Variants in CYB561A3 observed in about 807,000 individuals in gnomAD.
The protein encoded by CYB561A3 is cytochrome b561 family member A3, also known as lysosomal membrane ascorbate-dependent ferrireductase CYB561A3.
In CYB561A3, 16 loss-of-function variants were observed where a neutral mutation model predicts 25.3. The ratio of observed to expected loss-of-function variants is 0.63; its 90% CI spans 0.43 to 0.96. The LOEUF (loss-of-function observed/expected upper bound fraction) is 0.96. CYB561A3 is among the 40% of genes least tolerant of loss of function. The pLI is 0.00. For synonymous variants in CYB561A3, 131 were observed against 129.9 expected, an observed-to-expected ratio of 1.01 and a Z score of -0.06; for missense variants, 219 against 307.5, an observed-to-expected ratio of 0.71 and a Z score of 2.15.
At chr11:61,355,827 A>T (rs1052798915) in intron 3 of CYB561A3, among the ~76,000 whole-genome samples, 1 of 151,964 alleles carries the variant, frequency 6.6e-6, no homozygotes, top group Non-Finnish European at 1.5e-5. Context: ...TGATGGCTCA[A>T]GCCTGTAATC....
chr11:61,361,901 T>C (rs1490796808), upstream of CYB561A3: 3 of 152,292 alleles, frequency 2.0e-5, no homozygotes, highest in South Asian at 4.1e-4. Context: ...GGGTGCCGCC[T>C]CGCCTTCTTA....
At chr11:61,361,685 G>C (rs541828737) in intron 1 of CYB561A3, 48 bp downstream of exon 1, 1 of 152,474 alleles carries the variant, frequency 6.6e-6, no homozygotes, top group Non-Finnish European at 1.5e-5. Context: ...AGCGGAACCA[G>C]CATTCGAACC....
chr11:61,350,551 C>G, intron 6 of CYB561A3, 129 bp from the exon 7 acceptor site: 1 of 1,167,484 alleles, frequency 8.6e-7, no homozygotes, highest in Non-Finnish European at 1.2e-6. Flanking sequence ...CTCAGGGAAG[C>G]CCCAAAGTCC....
chr11:61,356,749 A>C (rs1215665090), intron 2 of CYB561A3, 21 bp from the exon 3 acceptor site: 1 of 1,610,104 alleles, frequency 6.2e-7, no homozygotes, highest in East Asian at 2.2e-5. Flanking sequence ...GAGAAGTCAC[A>C]AATCTCCACT....
intron 6 of CYB561A3, 186 bp downstream of exon 6, chr11:61,350,805 T>C (rs1370516022): frequency 3.8e-6 from 3 of 787,134 alleles, no homozygotes; most frequent in Non-Finnish European, 5.8e-6. Flanking sequence ...AGTCCCAGCA[T>C]TTCACTGGGA....
In CYB561A3 at chr11:61,351,137, T is replaced by C; in HGVS notation, c.559A>G (p.Thr187Ala). ...CTGGGCAGGCTGTGGTATGGCCTGG[T>C]GGTGTTTTTCCTGAAGATGACAAAA... ...EKLFFSLKNT[T>A]RPYHSLPSEA... Residue 187 changes from threonine (T) to alanine (A), a missense_variant, in exon 6 of 7, where the codon ACC becomes GCC. By Grantham distance (58) the Thr-to-Ala change is moderately conservative. Transcript: ENST00000294072. 6.2e-7 allele frequency: 1 copy of C among 1,608,236 alleles called. No individual in the cohort carries two copies. The highest frequency in any genetic ancestry group is 2.2e-5 in the East Asian group (1 of 44,822).
At chr11:61,359,218 T>C (rs1276152651) in intron 1 of CYB561A3, 2 of 140,736 alleles carry the variant, frequency 1.4e-5, no homozygotes, top group Non-Finnish European at 3.0e-5. Flanking sequence ...AGTGAGACTC[T>C]GTCTCAAAAA....
intron 3 of CYB561A3, among the ~76,000 whole-genome samples, chr11:61,355,509 A>G (rs990158173): frequency 1.3e-5 from 2 of 151,652 alleles, no homozygotes; most frequent in Non-Finnish European, 1.5e-5. Flanking sequence ...GTGAAACCCC[A>G]TCTCTACTAA....
Position 61,353,123 on chromosome 11 carries a change from G to C in CYB561A3, c.410C>G (p.Ala137Gly). 1 of 1,609,512 alleles carries C rather than the reference G, an allele frequency of 6.2e-7. No homozygotes were observed. The highest frequency in any genetic ancestry group is 8.5e-7 in the Non-Finnish European group (1 of 1,178,114). ...LFACQWFLGF[A>G]VFLLPWASMW... Reference sequence around the variant, plus strand: ...GGACGCCCAGGGCAGGAGGAAGACAGCAAAGCCCAGGAACCACTGTGGACA... The same window carrying C: ...GGACGCCCAGGGCAGGAGGAAGACACCAAAGCCCAGGAACCACTGTGGACA... Residue 137 changes from alanine to glycine, a missense_variant, in exon 5 of 7, where the codon GCT (alanine) becomes GGT (glycine). By Grantham distance (60) the Ala-to-Gly change is moderately conservative. Transcript: ENST00000294072.
At chr11:61,360,833 C>CCGGGCGCGGTAG (rs1857833285) in intron 1 of CYB561A3, 1 of 152,162 alleles carries the variant, frequency 6.6e-6, no homozygotes, top group Non-Finnish European at 1.5e-5. Context: ...CAAAAATTAG[C>CCGGGCGCGGTAG]CGGGCGCGGT....
At chr11:61,361,910 T>A (rs1857906985), upstream of CYB561A3, 1 of 152,330 alleles carries the variant, frequency 6.6e-6, no homozygotes, top group South Asian at 2.1e-4. Context: ...CTCGCCTTCT[T>A]ATAGGCTCGC....
In CYB561A3 at chr11:61,350,319, G is replaced by C. The variant is rs1298728056; in HGVS notation, c.*80C>G. The C allele has an allele frequency of 6.4e-7, 1 of 1,553,004 alleles. No individual in the cohort carries two copies. Among genetic ancestry groups the C allele is most frequent in the African/African-American group, 1.4e-5 (1 of 73,822 alleles). ...GAAAGTCGCCTGCTGAAACCAGCCG[G>C]GAGCCCTGGGAAGAGCAGAGCTTCT... On this transcript the variant is annotated 3_prime_UTR_variant, in exon 7 of 7. Transcript: ENST00000294072.
Position 61,349,282 on chromosome 11 carries a change from A to C in CYB561A3, c.*1117T>G. ...AAGCAGCCATGGTGGGGCCAGGTGA[A>C]GCAATGTGGGTCTCAGCAAGGAACC... On this transcript the variant is annotated 3_prime_UTR_variant, in exon 7 of 7. Coordinates refer to ENST00000294072, the MANE Select transcript of CYB561A3 (RefSeq NM_153611.6). 1 of 445,206 alleles carries C rather than the reference A, an allele frequency of 2.2e-6. No homozygotes were observed. The highest frequency in any genetic ancestry group is 2.0e-5 in the African/African-American group (1 of 50,512). The allele number at this position is 445,206 out of a possible 1,614,324, so 27.6% of individuals were successfully genotyped here. A position where few individuals can be genotyped will look rare whatever the true frequency, so the allele number is the denominator to read the frequency against.
rs1271674860 is a variant in CYB561A3 at position 61,361,797 on chromosome 11, C to T, written c.-176G>A. On this transcript the variant is annotated 5_prime_UTR_variant, in exon 1 of 7. Coordinates refer to ENST00000294072, the MANE Select transcript of CYB561A3 (RefSeq NM_153611.6). ...GAACCCGCCTCTCGCTACCAGGCGC[C>T]GGAGCTGCCGCTCCCGAGGTTCCTA... 3 of 152,270 alleles carry T rather than the reference C, an allele frequency of 2.0e-5. No homozygotes were observed. The highest frequency in any genetic ancestry group is 7.2e-5 in the African/African-American group (3 of 41,438). The allele number at this position is 152,270 out of a possible 1,614,324, so 9.4% of individuals were successfully genotyped here.
intron 4 of CYB561A3, chr11:61,353,553 AG>A (rs1410763624): frequency 1.4e-6 from 1 of 702,428 alleles, no homozygotes; most frequent in Non-Finnish European, 2.6e-6. Context: ...CAAAGTTAGC[AG>A]AGAGGGCTCT....
At chr11:61,354,405 G>A in intron 3 of CYB561A3, 1 of 193,368 alleles carries the variant, frequency 5.2e-6, no homozygotes, top group Non-Finnish European at 1.1e-5. Flanking sequence ...GGTGACTCAT[G>A]TCAGCACTTT....
chr11:61,357,260 A>T lies in CYB561A3; in HGVS notation c.-16+473T>A, dbSNP rs1459428117. The T allele has an allele frequency of 2.3e-5, 36 of 1,549,914 alleles. No homozygotes were observed. In the Middle Eastern group the frequency reaches 5.0e-4, roughly 22 times the overall value. ...CCATAGAGTAAGCTCTATGGGGCTA[A>T]TCTTCACTGGAGAGGTAACCAGGCC... On this transcript the variant is annotated intron_variant, in intron 2 of 6. Transcript: ENST00000294072.
intron 3 of CYB561A3, 88 bp downstream of exon 3, chr11:61,356,442 C>A: frequency 1.8e-6 from 2 of 1,138,034 alleles, no homozygotes; most frequent in East Asian, 3.6e-5. Flanking sequence ...CCAAGCCCAA[C>A]ATTTACAAAG....
At chr11:61,353,751 G>T (rs773710642) in intron 4 of CYB561A3, 33 bp downstream of exon 4, 1 of 1,611,796 alleles carries the variant, frequency 6.2e-7, no homozygotes, top group South Asian at 1.1e-5. Flanking sequence ...CATGGCTCTG[G>T]GAACCTCGAG....
Sources: allele counts gnomAD v4.1 joint callset (sites outside exome capture counted in the v4.1 genomes callset), GRCh38; gene constraint gnomAD v4.1.1; transcripts MANE v1.5; gene names NCBI Gene and HGNC (gene_info 2026-07-23, HGNC 2026-07-21).